The following TAFA2 variants were observed in gnomAD, a reference collection of about 807,000 sequenced individuals.
The protein encoded by TAFA2 is TAFA chemokine like family member 2.
In TAFA2, 7 loss-of-function variants were observed where a neutral mutation model predicts 18.8. The observed-to-expected ratio is 0.37, with a 90% CI of 0.21 to 0.70. The LOEUF (loss-of-function observed/expected upper bound fraction) is 0.70. TAFA2 is among the 30% of genes least tolerant of loss of function. The probability of loss-of-function intolerance (pLI) is 0.53; values close to 1 mark genes in which losing one functional copy is unlikely to be tolerated. For missense variants in TAFA2, 122 were observed against 158.1 expected (o/e 0.77, Z 1.23); for synonymous variants, 60 against 54.2 (o/e 1.11, Z -0.47).
At chr12:62,161,697 C>T (rs75086348) in intron 1 of TAFA2, among the ~76,000 whole-genome samples, 7,548 of 152,168 alleles carry the variant, frequency 0.05, 272 homozygotes, top group Non-Finnish European at 0.075. Context: ...TAAATTTATA[C>T]AAATTTCTAA....
At chr12:62,059,139 ATGTG>A (rs374882700) in intron 1 of TAFA2, among the ~76,000 whole-genome samples, 59 of 136,328 alleles carry the variant, frequency 4.3e-4, no homozygotes, top group South Asian at 9.7e-4. Context: ...ATGTGTGTAT[ATGTG>A]TGTGTGTGTG....
chr12:62,055,435 T>C (rs1480872063), intron 1 of TAFA2, among the ~76,000 whole-genome samples: 1 of 152,200 alleles, frequency 6.6e-6, no homozygotes, highest in Non-Finnish European at 1.5e-5. Context: ...TAAGTATAAA[T>C]ATTTCTACAT....
At chr12:61,893,595 T>G (rs561191495) in intron 1 of TAFA2, among the ~76,000 whole-genome samples, 1 of 152,160 alleles carries the variant, frequency 6.6e-6, no homozygotes, top group Non-Finnish European at 1.5e-5. Flanking sequence ...TGGCTTTGAA[T>G]AGCAGTGGAG....
intron 2 of TAFA2, among the ~76,000 whole-genome samples, chr12:61,843,192 T>C (rs1268373712): frequency 5.3e-5 from 8 of 152,088 alleles, no homozygotes; most frequent in Non-Finnish European, 1.2e-4. Flanking sequence ...TGAAAAGTTA[T>C]TTCAGATGGT....
chr12:62,075,728 C>G (rs1449812369), intron 1 of TAFA2, among the ~76,000 whole-genome samples: 3 of 152,054 alleles, frequency 2.0e-5, no homozygotes, highest in Non-Finnish European at 4.4e-5. Context: ...GGTCAATTAC[C>G]AGTAAGGGTT....
intron 1 of TAFA2, among the ~76,000 whole-genome samples, chr12:62,069,717 G>T (rs1207730030): frequency 1.3e-5 from 2 of 152,118 alleles, no homozygotes; most frequent in African/African-American, 4.8e-5. Flanking sequence ...GGACTCAACT[G>T]TCCCCTTTGG....
chr12:62,156,594 A>T (rs1217423729), intron 1 of TAFA2, among the ~76,000 whole-genome samples: 4 of 152,102 alleles, frequency 2.6e-5, no homozygotes, highest in Non-Finnish European at 5.9e-5. Context: ...ATATATATAT[A>T]ATATATATGA....
At chr12:62,059,542 G>A (rs960580055) in intron 1 of TAFA2, among the ~76,000 whole-genome samples, 11 of 151,978 alleles carry the variant, frequency 7.2e-5, no homozygotes, top group Non-Finnish European at 1.3e-4. Context: ...GCAGTGGGGC[G>A]GGGCGGGGGG....
chr12:62,109,730 C>G, intron 1 of TAFA2, among the ~76,000 whole-genome samples: 1 of 152,098 alleles, frequency 6.6e-6, no homozygotes, highest in Admixed American at 6.6e-5. Flanking sequence ...ATTTTATTCT[C>G]TTTATAGTAA....
At chr12:62,223,405 T>C (rs1052735319) in intron 1 of TAFA2, among the ~76,000 whole-genome samples, 12 of 152,194 alleles carry the variant, frequency 7.9e-5, no homozygotes, top group Non-Finnish European at 1.6e-4. Flanking sequence ...CTAAAACTCC[T>C]GGGCTCAAGC....
chr12:61,864,542 G>A (rs1349833012), intron 2 of TAFA2, among the ~76,000 whole-genome samples: 1 of 151,342 alleles, frequency 6.6e-6, no homozygotes, highest in Non-Finnish European at 1.5e-5. Flanking sequence ...GGGAGGCCGA[G>A]GCGGGCGGAT....
At chr12:61,871,448 G>C (rs561873385) in intron 1 of TAFA2, among the ~76,000 whole-genome samples, 2 of 152,024 alleles carry the variant, frequency 1.3e-5, no homozygotes, top group African/African-American at 4.8e-5. Context: ...AAAGAAAAAA[G>C]AACTGCCACA....
intron 2 of TAFA2, among the ~76,000 whole-genome samples, chr12:61,768,713 T>A (rs1312608697): frequency 6.6e-6 from 1 of 152,054 alleles, no homozygotes; most frequent in African/African-American, 2.4e-5. Flanking sequence ...TGATTTTGTC[T>A]CACAGGGGTC....
At chr12:61,918,887 A>G (rs538777349) in intron 1 of TAFA2, among the ~76,000 whole-genome samples, 1 of 152,302 alleles carries the variant, frequency 6.6e-6, no homozygotes, top group Admixed American at 6.5e-5. Context: ...TGCCATATTT[A>G]AAAGCTCTGG....
intron 1 of TAFA2, among the ~76,000 whole-genome samples, chr12:61,997,170 T>TGG (rs1229439376): frequency 1.6e-4 from 24 of 149,868 alleles, no homozygotes; most frequent in Admixed American, 1.3e-3. Context: ...TGTATATATG[T>TGG]GTGTGTGTGT....
At chr12:62,139,120 C>T (rs908448320) in intron 1 of TAFA2, among the ~76,000 whole-genome samples, 2 of 152,072 alleles carry the variant, frequency 1.3e-5, no homozygotes, top group African/African-American at 2.4e-5. Context: ...TTTACCTTTA[C>T]CAACCTAGGA....
chr12:61,973,395 A>ATTTT (rs33918768), intron 1 of TAFA2, among the ~76,000 whole-genome samples: 1 of 135,554 alleles, frequency 7.4e-6, no homozygotes, highest in Non-Finnish European at 1.6e-5. Flanking sequence ...TATTATTTAG[A>ATTTT]TTTTTTTTTT....
At chr12:61,744,743 G>T (rs1868620030) in intron 4 of TAFA2, among the ~76,000 whole-genome samples, 1 of 151,868 alleles carries the variant, frequency 6.6e-6, no homozygotes, top group South Asian at 2.1e-4. Flanking sequence ...TACAGACTGG[G>T]TCTCACTATG....
intron 1 of TAFA2, among the ~76,000 whole-genome samples, chr12:62,242,768 G>A (rs2062868400): frequency 6.6e-6 from 1 of 152,168 alleles, no homozygotes; most frequent in Admixed American, 6.5e-5. Flanking sequence ...CGGCAGCTTT[G>A]GCTGGGCATA....
Sources: allele counts gnomAD v4.1 joint callset (sites outside exome capture counted in the v4.1 genomes callset), GRCh38; gene constraint gnomAD v4.1.1; transcripts MANE v1.5; gene names NCBI Gene and HGNC (gene_info 2026-07-23, HGNC 2026-07-21).